KCNIP4: variants seen among roughly 807,000 people sequenced by gnomAD.
KCNIP4 encodes Kv channel-interacting protein 4.
Under a neutral mutation model 34.0 loss-of-function variants are expected in KCNIP4, and 12 were observed. The ratio of observed to expected loss-of-function variants is 0.35; its 90% CI spans 0.23 to 0.57. The LOEUF is 0.57. Among genes scored for constraint, KCNIP4 ranks in the 20% least tolerant of loss-of-function variants. The probability of loss-of-function intolerance (pLI) is 0.83; values close to 1 mark genes in which losing one functional copy is unlikely to be tolerated. For missense variants in KCNIP4, 238 were observed against 311.7 expected, an observed-to-expected ratio of 0.76 and a Z score of 1.78; for synonymous variants, 124 against 102.2, an observed-to-expected ratio of 1.21 and a Z score of -1.29.
At chr4:21,234,451 TTACATATAACGTATATAATATATAG>T (rs1553841733) in intron 1 of KCNIP4, among the ~76,000 whole-genome samples, 3 of 103,938 alleles carry the variant, frequency 2.9e-5, no homozygotes, top group African/African-American at 1.1e-4. Flanking sequence ...ATAATATATA[TTACATATAACGTATATAATATATAG>T]TACATATAAC....
intron 1 of KCNIP4, among the ~76,000 whole-genome samples, chr4:21,616,341 A>T (rs751249408): frequency 6.6e-6 from 1 of 152,036 alleles, no homozygotes; most frequent in Non-Finnish European, 1.5e-5. Context: ...TCTGTGCATG[A>T]CTGATACTCT....
intron 1 of KCNIP4, among the ~76,000 whole-genome samples, chr4:21,397,851 G>A (rs2109539207): frequency 6.6e-6 from 1 of 152,052 alleles, no homozygotes; most frequent in Non-Finnish European, 1.5e-5. Context: ...AAAAGGGATT[G>A]AAGATGGGTG....
chr4:21,033,181 C>T, intron 1 of KCNIP4, among the ~76,000 whole-genome samples: 1 of 152,182 alleles, frequency 6.6e-6, no homozygotes, highest in Admixed American at 6.5e-5. Context: ...AAATTTTCTA[C>T]AAGTAGGCTT....
intron 3 of KCNIP4, among the ~76,000 whole-genome samples, chr4:20,785,689 A>T (rs985280056): frequency 6.6e-6 from 1 of 152,180 alleles, no homozygotes; most frequent in African/African-American, 2.4e-5. Context: ...GGCTTTTTTA[A>T]ATAAAGAAAA....
chr4:21,378,634 CT>C (rs1721190807), intron 1 of KCNIP4, among the ~76,000 whole-genome samples: 1 of 152,128 alleles, frequency 6.6e-6, no homozygotes, highest in Non-Finnish European at 1.5e-5. Flanking sequence ...AACTTTCTAC[CT>C]TTTCCCTTCC....
At chr4:21,326,909 A>T (rs1401137922) in intron 1 of KCNIP4, among the ~76,000 whole-genome samples, 1 of 152,024 alleles carries the variant, frequency 6.6e-6, no homozygotes, top group East Asian at 1.9e-4. Flanking sequence ...AAGCAAACAA[A>T]CAAGCAAAGA....
rs1344922964 is a variant in KCNIP4 at position 21,151,405 on chromosome 4, AATTTT to A, written c.62-268701_62-268697del. 2.6e-4 allele frequency among the ~76,000 whole-genome samples: 24 copies of A among 93,510 alleles called. 3 individuals carry two copies. Among genetic ancestry groups the A allele is most frequent in the African/African-American group, 9.3e-4 (23 of 24,700 alleles). The allele number at this position is 93,510 out of a possible 152,430, so 61.3% of individuals were successfully genotyped here. ...AGAATGGATGTCTTCAACAAAAGAC[AATTTT>A]TTTTTTTTTTTTTTTTTTTTTTTTG... On this transcript the variant is annotated intron_variant, in intron 1 of 8. Coordinates refer to ENST00000382152, the MANE Select transcript of KCNIP4 (RefSeq NM_025221.6).
intron 1 of KCNIP4, among the ~76,000 whole-genome samples, chr4:21,608,186 T>C (rs1418095012): frequency 3.9e-5 from 6 of 152,204 alleles, no homozygotes; most frequent in Non-Finnish European, 7.3e-5. Flanking sequence ...ACCACAACCT[T>C]AGAAGCTTAA....
intron 1 of KCNIP4, among the ~76,000 whole-genome samples, chr4:21,676,569 A>T (rs1332850860): frequency 6.6e-6 from 1 of 152,224 alleles, no homozygotes; most frequent in Non-Finnish European, 1.5e-5. Context: ...GTCACCAGAA[A>T]TATACTCATT....
intron 1 of KCNIP4, among the ~76,000 whole-genome samples, chr4:21,366,048 A>G (rs937006647): frequency 1.3e-5 from 2 of 152,172 alleles, no homozygotes; most frequent in African/African-American, 4.8e-5. Context: ...TATCATAGAT[A>G]GTGTTTTGAT....
At chr4:21,406,010 T>C (rs562778389) in intron 1 of KCNIP4, among the ~76,000 whole-genome samples, 1 of 152,260 alleles carries the variant, frequency 6.6e-6, no homozygotes, top group East Asian at 1.9e-4. Flanking sequence ...TAATTTTGTA[T>C]TTTTAGTAGA....
At chr4:21,098,112 G>T (rs997094548) in intron 1 of KCNIP4, among the ~76,000 whole-genome samples, 12 of 152,152 alleles carry the variant, frequency 7.9e-5, no homozygotes, top group African/African-American at 2.9e-4. Flanking sequence ...AGAATAAAGT[G>T]ACTTTCTTCA....
At chr4:20,851,499 G>C (rs910443466) in intron 2 of KCNIP4, among the ~76,000 whole-genome samples, 3 of 152,088 alleles carry the variant, frequency 2.0e-5, no homozygotes, top group Admixed American at 6.6e-5. Context: ...AACATATGCA[G>C]GCATGTATCT....
chr4:21,536,043 A>C (rs956740248), intron 1 of KCNIP4, among the ~76,000 whole-genome samples: 1 of 152,160 alleles, frequency 6.6e-6, no homozygotes, highest in African/African-American at 2.4e-5. Flanking sequence ...CCTGCCTGAC[A>C]GTGATTCCTG....
chr4:20,943,330 T>C (rs1731846078), intron 1 of KCNIP4, among the ~76,000 whole-genome samples: 1 of 152,196 alleles, frequency 6.6e-6, no homozygotes, highest in South Asian at 2.1e-4. Flanking sequence ...AACCAGTTTA[T>C]AGCCTATAAG....
At chr4:21,888,583 CCGTTTTCCTTTGCCCT>C (rs1726918733) in intron 1 of KCNIP4, among the ~76,000 whole-genome samples, 2 of 152,214 alleles carry the variant, frequency 1.3e-5, no homozygotes, top group South Asian at 4.1e-4. Context: ...CTCTCCTCAA[CCGTTTTCCTTTGCCCT>C]CAGGTGCAAT....
intron 1 of KCNIP4, among the ~76,000 whole-genome samples, chr4:21,292,633 T>C (rs1311966000): frequency 6.6e-6 from 1 of 152,192 alleles, no homozygotes; most frequent in African/African-American, 2.4e-5. Context: ...TAAGACTATA[T>C]GGTATTTCCT....
intron 2 of KCNIP4, among the ~76,000 whole-genome samples, chr4:20,864,921 A>G (rs905268119): frequency 6.6e-6 from 1 of 151,964 alleles, no homozygotes; most frequent in African/African-American, 2.4e-5. Context: ...TCCTTACTGT[A>G]CCCACAGTTT....
At chr4:20,740,288 C>G (rs926953377) in intron 5 of KCNIP4, among the ~76,000 whole-genome samples, 1 of 152,022 alleles carries the variant, frequency 6.6e-6, no homozygotes, top group Non-Finnish European at 1.5e-5. Flanking sequence ...TTGTCAGATT[C>G]ACCAAAGTTG....
Sources: allele counts gnomAD v4.1 joint callset (sites outside exome capture counted in the v4.1 genomes callset), GRCh38; gene constraint gnomAD v4.1.1; transcripts MANE v1.5; gene names NCBI Gene and HGNC (gene_info 2026-07-23, HGNC 2026-07-21).